The following NR3C2 variants were observed in gnomAD, a reference collection of about 807,000 sequenced individuals.
NR3C2 encodes the protein nuclear receptor subfamily 3 group C member 2, also known as mineralocorticoid receptor.
Under a neutral mutation model 86.4 loss-of-function variants are expected in NR3C2, and 15 were observed. That is an observed-to-expected ratio of 0.17 (90% confidence interval 0.12 to 0.27). The LOEUF is 0.27. Ranked by LOEUF, NR3C2 falls within the 10% of genes least tolerant of loss-of-function variation. The pLI, the probability that NR3C2 is intolerant of heterozygous loss-of-function variation, is 1.00. For synonymous variants in NR3C2, 458 were observed against 450.5 expected (o/e 1.02, Z -0.21); for missense variants, 960 against 1,195.6 (o/e 0.80, Z 2.91).
At chr4:148,366,365 C>T (rs889407028) in intron 2 of NR3C2, among the ~76,000 whole-genome samples, 5 of 5,058 alleles carry the variant, frequency 9.9e-4, no homozygotes, top group African/African-American at 4.2e-3. Context: ...ATAGCTCTAC[C>T]AAGCATACCA....
At chr4:148,324,077 T>A (rs1418180284) in intron 2 of NR3C2, among the ~76,000 whole-genome samples, 1 of 152,062 alleles carries the variant, frequency 6.6e-6, no homozygotes, top group Non-Finnish European at 1.5e-5. Flanking sequence ...GAGACCATCA[T>A]CTACCACCAT....
chr4:148,215,780 G>GTT (rs35315376), intron 3 of NR3C2, among the ~76,000 whole-genome samples: 22,107 of 134,368 alleles, frequency 0.16, 2,141 homozygotes, highest in African/African-American at 0.21. Context: ...TTGAGGCATA[G>GTT]TTTTTTTTTT....
intron 2 of NR3C2, among the ~76,000 whole-genome samples, chr4:148,277,874 T>C (rs147174444): frequency 4.5e-4 from 68 of 152,118 alleles, no homozygotes; most frequent in African/African-American, 1.6e-3. Context: ...GACCCAGAAA[T>C]GCAGGAGACA....
chr4:148,359,745 T>G (rs1023677799), intron 2 of NR3C2, among the ~76,000 whole-genome samples: 2 of 152,180 alleles, frequency 1.3e-5, no homozygotes, highest in Non-Finnish European at 2.9e-5. Context: ...CTCTCCCATG[T>G]AGTATGTATA....
At chr4:148,236,039 T>C (rs749320362) in intron 3 of NR3C2, among the ~76,000 whole-genome samples, 3 of 152,238 alleles carry the variant, frequency 2.0e-5, no homozygotes, top group Non-Finnish European at 4.4e-5. Context: ...TCTGTGTTTC[T>C]AAAGCTAGGC....
intron 2 of NR3C2, among the ~76,000 whole-genome samples, chr4:148,263,196 C>T (rs979196165): frequency 6.6e-6 from 1 of 152,236 alleles, no homozygotes; most frequent in African/African-American, 2.4e-5. Flanking sequence ...GCTCCAACCT[C>T]TACCCCGTGT....
At chr4:148,262,110 T>A (rs1740153203) in intron 2 of NR3C2, among the ~76,000 whole-genome samples, 2 of 152,230 alleles carry the variant, frequency 1.3e-5, no homozygotes. Flanking sequence ...TGACTCATCT[T>A]ACACTTCACA....
chr4:148,384,322 C>G (rs1224628859), intron 2 of NR3C2, among the ~76,000 whole-genome samples: 3 of 151,950 alleles, frequency 2.0e-5, no homozygotes, highest in Non-Finnish European at 4.4e-5. Context: ...TTATATATGT[C>G]TCATACAGTA....
In NR3C2 at chr4:148,124,044, G is replaced by C. The variant is rs185224695; in HGVS notation, c.2511-3756C>G. ...ACCTGAGGTCAGGTGTTCAAGACCA[G>C]CCTGGCCAACATGGTGAAACACCAT... On this transcript the variant is annotated intron_variant, in intron 6 of 8. Coordinates refer to ENST00000358102, the MANE Select transcript of NR3C2 (RefSeq NM_000901.5). Among the ~76,000 whole-genome samples, 270 of 152,310 alleles carry C rather than the reference G, an allele frequency of 1.8e-3. 2 individuals are homozygous for C. The highest frequency in any genetic ancestry group is 2.9e-3 in the Admixed American group (45 of 15,290).
intron 2 of NR3C2, among the ~76,000 whole-genome samples, chr4:148,418,218 T>C (rs183686238): frequency 6.6e-6 from 1 of 152,304 alleles, no homozygotes; most frequent in Admixed American, 6.5e-5. Context: ...ATCTATGTTA[T>C]AGTCCATAAT....
chr4:148,264,960 G>A (rs1013954441), intron 2 of NR3C2, among the ~76,000 whole-genome samples: 2 of 152,102 alleles, frequency 1.3e-5, no homozygotes, highest in African/African-American at 4.8e-5. Flanking sequence ...GCAATAGATG[G>A]TATTCTGCAT....
chr4:148,307,442 C>T (rs921083337), intron 2 of NR3C2, among the ~76,000 whole-genome samples: 2 of 152,182 alleles, frequency 1.3e-5, no homozygotes, highest in East Asian at 1.9e-4. Flanking sequence ...GAAGATCAAA[C>T]GAGATTTGTA....
chr4:148,188,188 GTC>G (rs1578990092), intron 4 of NR3C2, among the ~76,000 whole-genome samples: 2 of 152,194 alleles, frequency 1.3e-5, no homozygotes, highest in East Asian at 3.9e-4. Context: ...GTCTTGCTTT[GTC>G]TATGTAGGCT....
chr4:148,116,909 T>C (rs754785015), intron 7 of NR3C2, among the ~76,000 whole-genome samples: 4 of 152,254 alleles, frequency 2.6e-5, no homozygotes, highest in Non-Finnish European at 4.4e-5. Flanking sequence ...TTAAAAAATG[T>C]TTCATTTACA....
intron 3 of NR3C2, among the ~76,000 whole-genome samples, chr4:148,199,465 T>C (rs991050579): frequency 6.6e-6 from 1 of 151,924 alleles, no homozygotes. Context: ...TCGCTATCTC[T>C]TTTTTTTAAT....
intron 2 of NR3C2, among the ~76,000 whole-genome samples, chr4:148,363,248 T>C (rs756824756): frequency 6.6e-6 from 1 of 152,222 alleles, no homozygotes; most frequent in Non-Finnish European, 1.5e-5. Context: ...TTTCTGCTTT[T>C]AGTGATCTCT....
chr4:148,247,040 T>C (rs181968000), intron 3 of NR3C2, among the ~76,000 whole-genome samples: 385 of 152,292 alleles, frequency 2.5e-3, no homozygotes, highest in African/African-American at 9.0e-3. Context: ...TCTTTGATAG[T>C]TAAAAAAAGG....
At chr4:148,235,717 T>C (rs1466525432) in intron 3 of NR3C2, among the ~76,000 whole-genome samples, 1 of 93,180 alleles carries the variant, frequency 1.1e-5, no homozygotes, top group East Asian at 3.1e-4. Flanking sequence ...ACCAGGAGAA[T>C]TTTTTTTAGT....
intron 4 of NR3C2, among the ~76,000 whole-genome samples, chr4:148,158,301 G>A (rs1734496176): frequency 6.6e-6 from 1 of 152,168 alleles, no homozygotes; most frequent in Non-Finnish European, 1.5e-5. Flanking sequence ...CTCGTCAACT[G>A]ACGACTCTAT....
Sources: gnomAD v4.1 joint callset for allele counts (sites outside exome capture counted in the v4.1 genomes callset) on GRCh38, gnomAD v4.1.1 for gene constraint, MANE v1.5 for transcripts, NCBI Gene and HGNC (gene_info 2026-07-23, HGNC 2026-07-21) for gene names.